The following SCHIP1 variants were observed in gnomAD, a reference collection of about 807,000 sequenced individuals.
The protein encoded by SCHIP1 is schwannomin interacting protein 1, also known as schwannomin-interacting protein 1.
A neutral mutation model predicts 29.7 loss-of-function variants in SCHIP1; 8 were observed. That is an observed-to-expected ratio of 0.27 (90% CI 0.16 to 0.49). The LOEUF (loss-of-function observed/expected upper bound fraction) is 0.49. Ranked by LOEUF, SCHIP1 falls within the 20% of genes least tolerant of loss-of-function variation. The probability of loss-of-function intolerance (pLI) is 0.99; values close to 1 mark genes in which losing one functional copy is unlikely to be tolerated. For missense variants in SCHIP1, 193 were observed against 294.6 expected (o/e 0.66, Z 2.52); for synonymous variants, 76 against 94.9 (o/e 0.80, Z 1.16).
the SCHIP1 span, among the ~76,000 whole-genome samples, chr3:159,824,087 C>T: frequency 6.6e-6 from 1 of 152,182 alleles, no homozygotes; most frequent in Non-Finnish European, 1.5e-5. Context: ...GAACGCCCAA[C>T]CTTTAATCTT....
the SCHIP1 span, among the ~76,000 whole-genome samples, chr3:159,542,141 C>T: frequency 2.6e-5 from 4 of 152,212 alleles, no homozygotes; most frequent in African/African-American, 9.6e-5. Context: ...AAGCTCCAAA[C>T]ACAGCAATGA....
the SCHIP1 span, among the ~76,000 whole-genome samples, chr3:159,751,978 C>T: frequency 5.3e-5 from 8 of 152,148 alleles, no homozygotes; most frequent in African/African-American, 1.4e-4. Context: ...GGGCTATTCT[C>T]GTGACAGTGA....
At chr3:159,817,559 CTTGT>C in the SCHIP1 span, among the ~76,000 whole-genome samples, 1,980 of 151,790 alleles carry the variant, frequency 0.013, 41 homozygotes, top group African/African-American at 0.045. Flanking sequence ...TGAACTTTGG[CTTGT>C]TTTTCTTCAT....
chr3:159,610,402 T>C, the SCHIP1 span, among the ~76,000 whole-genome samples: 1 of 152,230 alleles, frequency 6.6e-6, no homozygotes, highest in South Asian at 2.1e-4. Context: ...TGGGGGGTGA[T>C]GTTCTGTCAC....
chr3:159,751,274 T>TAA, the SCHIP1 span, among the ~76,000 whole-genome samples: 1 of 152,056 alleles, frequency 6.6e-6, no homozygotes, highest in Admixed American at 6.5e-5. Context: ...AAGGTTGCTT[T>TAA]AAAAAAACAA....
chr3:159,544,115 A>G, the SCHIP1 span, among the ~76,000 whole-genome samples: 1 of 151,964 alleles, frequency 6.6e-6, no homozygotes, highest in Non-Finnish European at 1.5e-5. Context: ...TTCTATCACA[A>G]TAGATTAGTT....
At chr3:159,784,809 A>C in the SCHIP1 span, among the ~76,000 whole-genome samples, 1 of 152,256 alleles carries the variant, frequency 6.6e-6, no homozygotes, top group Non-Finnish European at 1.5e-5. Flanking sequence ...GCGTGCCACC[A>C]TGCCCAGCTG....
At chr3:159,784,480 T>C in the SCHIP1 span, among the ~76,000 whole-genome samples, 1 of 152,202 alleles carries the variant, frequency 6.6e-6, no homozygotes, top group Non-Finnish European at 1.5e-5. Flanking sequence ...CATCTCCAGC[T>C]CAGCTGACCA....
At chr3:159,839,913 C>G in exon 1 of SCHIP1, 1 of 1,397,150 alleles carries the variant, frequency 7.2e-7, no homozygotes, top group South Asian at 1.7e-5. Flanking sequence ...ATGAGCGCCC[C>G]CTCCCCCAGC....
At chr3:159,874,432 T>C (rs1488952029) in intron 2 of SCHIP1, among the ~76,000 whole-genome samples, 1 of 152,210 alleles carries the variant, frequency 6.6e-6, no homozygotes, top group African/African-American at 2.4e-5. Context: ...GGTTTATTGG[T>C]AAATGGCTGA....
chr3:159,401,097 G>T, the SCHIP1 span: 1 of 695,366 alleles, frequency 1.4e-6, no homozygotes, highest in East Asian at 1.3e-4. Flanking sequence ...CATCCTACAG[G>T]ATTTTATCTT....
At chr3:159,654,463 T>C in the SCHIP1 span, among the ~76,000 whole-genome samples, 14 of 152,140 alleles carry the variant, frequency 9.2e-5, no homozygotes, top group Admixed American at 3.3e-4. Flanking sequence ...CTTTTTCAAG[T>C]CTAACATTTT....
chr3:159,460,786 G>A, the SCHIP1 span, among the ~76,000 whole-genome samples: 16 of 152,114 alleles, frequency 1.1e-4, no homozygotes, highest in African/African-American at 3.6e-4. Flanking sequence ...TATGAGCAAG[G>A]TTTATGAAGC....
At chr3:159,553,260 A>T in the SCHIP1 span, among the ~76,000 whole-genome samples, 13,637 of 131,004 alleles carry the variant, frequency 0.1, 645 homozygotes, top group Admixed American at 0.14. Flanking sequence ...TCAAATGGAA[A>T]AGGTTAAAAA....
chr3:159,424,926 A>G, the SCHIP1 span, among the ~76,000 whole-genome samples: 1 of 152,194 alleles, frequency 6.6e-6, no homozygotes, highest in Non-Finnish European at 1.5e-5. Context: ...CCAGAATTTC[A>G]TATCCAGCCA....
the SCHIP1 span, among the ~76,000 whole-genome samples, chr3:159,422,624 A>G: frequency 6.6e-6 from 1 of 152,148 alleles, no homozygotes; most frequent in Non-Finnish European, 1.5e-5. Flanking sequence ...TCCAAGATGA[A>G]CCACTAACCT....
chr3:159,425,743 T>C, the SCHIP1 span, among the ~76,000 whole-genome samples: 1 of 152,232 alleles, frequency 6.6e-6, no homozygotes, highest in East Asian at 1.9e-4. Flanking sequence ...ATATACATTT[T>C]GTTCAGCACC....
the SCHIP1 span, among the ~76,000 whole-genome samples, chr3:159,278,160 T>C: frequency 1.2e-4 from 18 of 152,266 alleles, no homozygotes; most frequent in South Asian, 3.5e-3. Context: ...AAAGCAATAA[T>C]TTCTTCATTC....
the SCHIP1 span, among the ~76,000 whole-genome samples, chr3:159,403,442 G>A: frequency 6.6e-6 from 1 of 152,296 alleles, no homozygotes; most frequent in Non-Finnish European, 1.5e-5. Flanking sequence ...CCAATCCTTT[G>A]GCAGTGGCTG....
Sources: gnomAD v4.1 joint callset for allele counts (sites outside exome capture counted in the v4.1 genomes callset) on GRCh38, gnomAD v4.1.1 for gene constraint, MANE v1.5 for transcripts, NCBI Gene and HGNC (gene_info 2026-07-23, HGNC 2026-07-21) for gene names.